The following AHRR variants were observed in gnomAD, a reference collection of about 807,000 sequenced individuals.
AHRR encodes the protein ahR repressor.
Under a neutral mutation model 44.0 loss-of-function variants are expected in AHRR, and 28 were observed. That is an observed-to-expected ratio of 0.64 (90% CI 0.47 to 0.87). AHRR has a LOEUF of 0.87. Ranked by LOEUF, AHRR falls within the 40% of genes least tolerant of loss-of-function variation. The pLI, the probability that AHRR is intolerant of heterozygous loss-of-function variation, is 0.00. For synonymous variants in AHRR, 434 were observed against 407.0 expected (o/e 1.07, Z -0.80); for missense variants, 990 against 953.9 (o/e 1.04, Z -0.50).
intron 3 of AHRR, among the ~76,000 whole-genome samples, chr5:375,982 C>T (rs1305141717): frequency 1.7e-5 from 2 of 117,274 alleles, no homozygotes; most frequent in South Asian, 4.3e-4. Flanking sequence ...GTAGCACTGG[C>T]GACTGTCCTG....
At chr5:417,387 G>C (rs985101241) in intron 5 of AHRR, among the ~76,000 whole-genome samples, 1 of 150,326 alleles carries the variant, frequency 6.7e-6, no homozygotes, top group Non-Finnish European at 1.5e-5. Flanking sequence ...TGCAGGGCCC[G>C]AGTTTAGAGA....
intron 5 of AHRR, among the ~76,000 whole-genome samples, chr5:415,810 C>T (rs951798008): frequency 2.0e-5 from 3 of 152,168 alleles, no homozygotes; most frequent in East Asian, 1.9e-4. Context: ...TTAGAATTCA[C>T]GTCTGCGCAG....
At chr5:376,288 T>A (rs1733632291) in intron 3 of AHRR, among the ~76,000 whole-genome samples, 1 of 151,274 alleles carries the variant, frequency 6.6e-6, no homozygotes, top group Non-Finnish European at 1.5e-5. Flanking sequence ...CCTGGGGGGT[T>A]GGGCAGGAGG....
intron 4 of AHRR, among the ~76,000 whole-genome samples, chr5:403,502 G>A (rs1266183455): frequency 6.6e-6 from 1 of 151,918 alleles, no homozygotes; most frequent in African/African-American, 2.4e-5. Context: ...TGGGTGTGGT[G>A]GCGCATGCCT....
intron 5 of AHRR, among the ~76,000 whole-genome samples, chr5:415,697 C>CCGAATCTGCCTGGTCGGCTG (rs1560916484): frequency 6.6e-6 from 1 of 151,432 alleles, no homozygotes; most frequent in African/African-American, 2.4e-5. Flanking sequence ...GGCCTAGGGG[C>CCGAATCTGCCTGGTCGGCTG]GGAGTCTGCC....
chr5:373,084 C>T (rs755333809), intron 3 of AHRR, among the ~76,000 whole-genome samples: 5 of 152,348 alleles, frequency 3.3e-5, no homozygotes, highest in South Asian at 2.1e-4. Context: ...CAGCCGTGGG[C>T]GGACGGCTGG....
intron 8 of AHRR, among the ~76,000 whole-genome samples, chr5:431,620 C>T (rs560252148): frequency 4.6e-5 from 7 of 152,038 alleles, no homozygotes; most frequent in Middle Eastern, 6.8e-3. Flanking sequence ...CCCCATGGCC[C>T]CCAGCAGCGG....
chr5:359,531 C>A (rs1743099722), intron 3 of AHRR, among the ~76,000 whole-genome samples: 1 of 152,076 alleles, frequency 6.6e-6, no homozygotes. Flanking sequence ...TAGATTAGTA[C>A]CAAAAACAAA....
chr5:427,667 C>G, intron 7 of AHRR, 140 bp from the exon 8 acceptor site: 1 of 1,613,266 alleles, frequency 6.2e-7, no homozygotes, highest in Non-Finnish European at 8.5e-7. Flanking sequence ...GCAGCTGCGG[C>G]TCTGCTGTCC....
At chr5:343,143 G>C (rs1273990844) in intron 1 of AHRR, among the ~76,000 whole-genome samples, 1 of 151,690 alleles carries the variant, frequency 6.6e-6, no homozygotes, top group East Asian at 1.9e-4. Context: ...CGCTCTTGGG[G>C]GTGATGGGAT....
Position 353,853 on chromosome 5 carries a change from C to G in AHRR, c.186C>G (p.Asp62Glu). The G allele has an allele frequency of 6.2e-7, 1 of 1,614,174 alleles. No homozygotes were observed. Among genetic ancestry groups the G allele is most frequent in the East Asian group, 2.2e-5 (1 of 44,888 alleles). Residue 62 changes from aspartate (D) to glutamate (E), a missense_variant, in exon 3 of 11, where the codon GAC (aspartate) becomes GAG (glutamate). Asp to Glu is a conservative substitution (Grantham distance 45). Coordinates refer to ENST00000684583, the MANE Select transcript of AHRR (RefSeq NM_001377236.1). ...PFPPDIISKLDKLSVLRLSVS... is the reference protein window; with the variant it reads ...PFPPDIISKLEKLSVLRLSVS... ...CGCCTGACATCATCTCCAAGCTGGA[C>G]AAGCTTTCTGTCCTGCGCCTCAGTG...
intron 4 of AHRR, among the ~76,000 whole-genome samples, chr5:396,793 G>A (rs539863069): frequency 2.1e-5 from 3 of 144,032 alleles, no homozygotes; most frequent in South Asian, 2.5e-4. Flanking sequence ...TCGCCTGCCC[G>A]CCCTCTCCCC....
chr5:355,584 G>A (rs1451134145), intron 3 of AHRR, among the ~76,000 whole-genome samples: 1 of 152,202 alleles, frequency 6.6e-6, no homozygotes, highest in Non-Finnish European at 1.5e-5. Flanking sequence ...GTCCCACTGT[G>A]TCCAGCCAGG....
rs937413944 is a variant in AHRR at position 423,748 on chromosome 5, C to G, written c.572-93C>G. 3.4e-6 allele frequency: 5 copies of G among 1,467,854 alleles called. No homozygotes were observed. The Admixed American group carries it at 1.1e-4, about 31-fold the overall frequency. The allele number at this position is 1,467,854 out of a possible 1,614,324, so 90.9% of individuals were successfully genotyped here. On this transcript the variant is annotated intron_variant, in intron 6 of 10. Coordinates refer to ENST00000684583, the MANE Select transcript of AHRR (RefSeq NM_001377236.1). ...GGCACAGTGATAGGGTTTACATGACCTGGCGCGTGAGAGCCGTGGGCGTGG... is the reference window on the plus strand; with the variant it reads ...GGCACAGTGATAGGGTTTACATGACGTGGCGCGTGAGAGCCGTGGGCGTGG...
chr5:376,555 A>ACCGTTGGGT, intron 3 of AHRR, 55 bp from the exon 4 acceptor site: 1 of 1,428,922 alleles, frequency 7.0e-7, no homozygotes, highest in Non-Finnish European at 9.4e-7. Context: ...TGAATGAAGA[A>ACCGTTGGGT]GAGTGGCCAG....
intron 4 of AHRR, among the ~76,000 whole-genome samples, chr5:398,745 G>T (rs1480912004): frequency 6.6e-6 from 1 of 152,246 alleles, no homozygotes. Flanking sequence ...ATGGGCTTCT[G>T]TGAGAAGGGC....
At chr5:402,373 G>C (rs1291483883) in intron 4 of AHRR, among the ~76,000 whole-genome samples, 1 of 144,514 alleles carries the variant, frequency 6.9e-6, no homozygotes, top group Non-Finnish European at 1.5e-5. Flanking sequence ...GTGGAGAGAA[G>C]GGGACCCTCG....
At chr5:368,142 G>A (rs905971409) in intron 3 of AHRR, 31 of 594,614 alleles carry the variant, frequency 5.2e-5, no homozygotes, top group Middle Eastern at 3.2e-4. Flanking sequence ...GGCACTCCTC[G>A]TTGATGTGAA....
rs1742223038 is a variant in AHRR at position 338,606 on chromosome 5, C to A, written c.-10-5287C>A. 6.6e-6 allele frequency among the ~76,000 whole-genome samples: 1 copy of A among 152,096 alleles called. No individual in the cohort carries two copies. The highest frequency in any genetic ancestry group is 1.5e-5 in the Non-Finnish European group (1 of 68,024). On this transcript the variant is annotated intron_variant, in intron 1 of 10. Coordinates refer to ENST00000684583, the MANE Select transcript of AHRR (RefSeq NM_001377236.1). This position sits in a 1 kb window ranked among gnomAD's most constrained non-coding sequence, Gnocchi z 4.1. ...CCTGTAATCCCAGCACTCTTGGAGGCCAAGGTGGGTGAATTGCTTGAACCC... is the reference window on the plus strand; with the variant it reads ...CCTGTAATCCCAGCACTCTTGGAGGACAAGGTGGGTGAATTGCTTGAACCC...
Sources: allele counts gnomAD v4.1 joint callset (sites outside exome capture counted in the v4.1 genomes callset), GRCh38; gene constraint gnomAD v4.1.1; non-coding constraint Gnocchi (gnomAD v3.1); transcripts MANE v1.5; gene names NCBI Gene and HGNC (gene_info 2026-07-23, HGNC 2026-07-21).